Variants in TOMM34 observed in about 807,000 individuals in gnomAD.
TOMM34 encodes mitochondrial import receptor subunit TOM34.
TOMM34 carries 24 observed loss-of-function variants against 37.4 expected under a neutral mutation model. The observed-to-expected ratio is 0.64, with a 90% CI of 0.46 to 0.90. TOMM34 has a LOEUF of 0.90. Among genes scored for constraint, TOMM34 ranks in the 40% least tolerant of loss-of-function variants. TOMM34 has a pLI of 0.00. For missense variants in TOMM34, 304 were observed against 375.6 expected (o/e 0.81, Z 1.58); for synonymous variants, 154 against 148.9 (o/e 1.03, Z -0.25).
intron 1 of TOMM34, chr20:44,958,571 T>C (rs539756207): frequency 6.5e-6 from 2 of 307,358 alleles, no homozygotes; most frequent in Admixed American, 4.0e-5. Context: ...GAAGGGTTCA[T>C]TGTGTTAGCC....
At chr20:44,950,313 T>C (rs1012285465) in intron 4 of TOMM34, among the ~76,000 whole-genome samples, 2 of 152,194 alleles carry the variant, frequency 1.3e-5, no homozygotes, top group Non-Finnish European at 2.9e-5. Context: ...TCCACCTCCA[T>C]TGCCACCCCT....
chr20:44,953,507 G>A (rs144235573), intron 3 of TOMM34, among the ~76,000 whole-genome samples: 2 of 152,282 alleles, frequency 1.3e-5, no homozygotes, highest in East Asian at 3.9e-4. Flanking sequence ...CACTAGCTGT[G>A]ATGTTCTTTT....
At chr20:44,957,054 G>C (rs1164981023) in intron 1 of TOMM34, among the ~76,000 whole-genome samples, 1 of 152,128 alleles carries the variant, frequency 6.6e-6, no homozygotes, top group Non-Finnish European at 1.5e-5. Context: ...GGTGTGATGG[G>C]AGTACAGAGA....
intron 4 of TOMM34, 123 bp downstream of exon 4, chr20:44,951,710 T>A (rs1810901684): frequency 4.0e-6 from 5 of 1,243,002 alleles, no homozygotes; most frequent in Non-Finnish European, 5.5e-6. Context: ...GTATTTTGTT[T>A]TATACTTTGT....
At chr20:44,954,417 T>C (rs1490638233) in intron 3 of TOMM34, among the ~76,000 whole-genome samples, 1 of 152,222 alleles carries the variant, frequency 6.6e-6, no homozygotes, top group East Asian at 1.9e-4. Flanking sequence ...CAAAGAATGC[T>C]GGCAGACAAG....
rs2066954020 is a variant in TOMM34 at position 44,943,520 on chromosome 20, G to A, written c.758C>T (p.Ala253Val). 1 of 1,614,000 alleles carries A rather than the reference G, an allele frequency of 6.2e-7. No individual in the cohort carries two copies. ...YTEAVKDCTE[A>V]LKLDGKNVKA... ...CACGTTCTTTCCATCCAGCTTGAGG[G>A]CTTCTGTGCAGTCCTTCACTGCTTC... The change falls in exon 6 of 7, where the codon GCC becomes GTC. Residue 253 changes from alanine to valine, a missense_variant. Transcript: ENST00000372813.
chr20:44,956,307 A>G lies in TOMM34; in HGVS notation c.227+79T>C, dbSNP rs2067072216. 5.8e-6 allele frequency: 8 copies of G among 1,389,860 alleles called. No individual in the cohort carries two copies. In the East Asian group the frequency reaches 1.4e-4, roughly 24 times the overall value. The allele number at this position is 1,389,860 out of a possible 1,614,324, so 86.1% of individuals were successfully genotyped here. A position where few individuals can be genotyped will look rare whatever the true frequency, so the allele number is the denominator to read the frequency against. On this transcript the variant is annotated intron_variant, in intron 2 of 6. Coordinates refer to ENST00000372813, the MANE Select transcript of TOMM34 (RefSeq NM_006809.5). ...CAGATGTAATTGATGGGATCCTTCCAAAGAAGAAACAAGCCAGATTAACCC... is the reference window on the plus strand; with the variant it reads ...CAGATGTAATTGATGGGATCCTTCCGAAGAAGAAACAAGCCAGATTAACCC...
At chr20:44,952,758 A>G (rs2067037157) in intron 3 of TOMM34, 13 of 708,394 alleles carry the variant, frequency 1.8e-5, no homozygotes, top group Middle Eastern at 2.3e-4. Context: ...GAATGAGTGA[A>G]TAATGCTAAC....
At chr20:44,949,147 C>A (rs2067005426) in intron 4 of TOMM34, among the ~76,000 whole-genome samples, 1 of 152,106 alleles carries the variant, frequency 6.6e-6, no homozygotes, top group Non-Finnish European at 1.5e-5. Context: ...AAAAAGCAAC[C>A]CAGGTTCTAG....
chr20:44,946,549 A>G (rs971571987), intron 5 of TOMM34, among the ~76,000 whole-genome samples: 1 of 152,228 alleles, frequency 6.6e-6, no homozygotes, highest in Non-Finnish European at 1.5e-5. Context: ...CTGATTAGGT[A>G]ACACAGGACA....
At position 44,943,765 on chromosome 20, in the gene TOMM34, G is replaced by C. The variant is rs2066956776; in HGVS notation, c.699-186C>G. On this transcript the variant is annotated intron_variant, in intron 5 of 6. Transcript: ENST00000372813. Reference sequence around the variant, plus strand: ...GGATGAAACATGCTGGCTCAGAAGGGTAAAGGAACTTGGGCCAGGTACCGC... The same window carrying C: ...GGATGAAACATGCTGGCTCAGAAGGCTAAAGGAACTTGGGCCAGGTACCGC... Among the ~76,000 whole-genome samples, 4 of 152,146 alleles carry C rather than the reference G, an allele frequency of 2.6e-5. No individual in the cohort carries two copies. In the South Asian group the frequency reaches 8.3e-4, roughly 31 times the overall value.
Position 44,943,158 on chromosome 20 carries a change from T to C in TOMM34, c.881A>G (p.Asn294Ser). The change falls in exon 7 of 7, where the codon AAT (asparagine) becomes AGT (serine). Residue 294 changes from asparagine to serine, a missense_variant. Coordinates refer to ENST00000372813, the MANE Select transcript of TOMM34 (RefSeq NM_006809.5). ...ISNLLQIEPR[N>S]GPAQKLRQEV... ...CTGCCGCAACTTCTGTGCAGGACCA[T>C]TCCTAGGCTCAATCTGTAGGAGGTT... 1 of 1,614,136 alleles carries C rather than the reference T, an allele frequency of 6.2e-7. No homozygotes were observed. The highest frequency in any genetic ancestry group is 8.5e-7 in the Non-Finnish European group (1 of 1,180,010).
chr20:44,946,365 T>C (rs2066980898), intron 5 of TOMM34, among the ~76,000 whole-genome samples: 1 of 152,156 alleles, frequency 6.6e-6, no homozygotes, highest in South Asian at 2.1e-4. Context: ...CCCTTGACTT[T>C]TGGTAAATGA....
chr20:44,946,032 A>AT (rs1490138189), intron 5 of TOMM34, among the ~76,000 whole-genome samples: 2 of 151,930 alleles, frequency 1.3e-5, no homozygotes, highest in Non-Finnish European at 2.9e-5. Flanking sequence ...TAACTTTTGT[A>AT]TTTTTTGGTA....
At chr20:44,947,208 C>T (rs1266675964) in intron 5 of TOMM34, among the ~76,000 whole-genome samples, 1 of 152,146 alleles carries the variant, frequency 6.6e-6, no homozygotes, top group Non-Finnish European at 1.5e-5. Context: ...TTCAAATTAG[C>T]CTGGCAAATT....
chr20:44,955,545 G>A (rs1027269793), intron 2 of TOMM34: 2 of 481,312 alleles, frequency 4.2e-6, no homozygotes, highest in African/African-American at 2.0e-5. Context: ...GTGGTCTAGT[G>A]GGAATAACAA....
chr20:44,958,946 A>G (rs2067101649), intron 1 of TOMM34: 1 of 150,828 alleles, frequency 6.6e-6, no homozygotes, highest in Admixed American at 6.6e-5. Context: ...AAAAAAAAAG[A>G]ATGAAATCTG....
At chr20:44,955,387 T>C (rs2067063186) in intron 2 of TOMM34, 167 bp from the exon 3 acceptor site, 5 of 750,216 alleles carry the variant, frequency 6.7e-6, no homozygotes, top group East Asian at 2.7e-5. Flanking sequence ...TTTTTCAACG[T>C]AGACTGAAGT....
At chr20:44,950,904 T>A (rs2067020522) in intron 4 of TOMM34, among the ~76,000 whole-genome samples, 1 of 152,212 alleles carries the variant, frequency 6.6e-6, no homozygotes, top group Non-Finnish European at 1.5e-5. Context: ...AGCTTCCTAG[T>A]GCCTGACAAA....
Sources: gnomAD v4.1 joint callset for allele counts (sites outside exome capture counted in the v4.1 genomes callset) on GRCh38, gnomAD v4.1.1 for gene constraint, MANE v1.5 for transcripts, NCBI Gene and HGNC (gene_info 2026-07-23, HGNC 2026-07-21) for gene names.